CSMD1: variants seen among roughly 807,000 people sequenced by gnomAD.
The protein encoded by CSMD1 is CUB and Sushi multiple domains 1.
Under a neutral mutation model 417.5 loss-of-function variants are expected in CSMD1, and 213 were observed. The ratio of observed to expected loss-of-function variants is 0.51; its 90% confidence interval spans 0.46 to 0.57. The LOEUF (loss-of-function observed/expected upper bound fraction) is 0.57. Among genes scored for constraint, CSMD1 ranks in the 20% least tolerant of loss-of-function variants. The pLI is 0.00. For synonymous variants in CSMD1, 2,862 were observed against 1,736.8 expected (o/e 1.65, Z -16.11); for missense variants, 6,923 against 4,529.7 (o/e 1.53, Z -15.17).
At chr8:4,178,445 C>G (rs988326106) in intron 3 of CSMD1, among the ~76,000 whole-genome samples, 4 of 151,148 alleles carry the variant, frequency 2.6e-5, no homozygotes, top group Non-Finnish European at 4.4e-5. Flanking sequence ...ATAATAAGAG[C>G]TATCTATAAC....
intron 2 of CSMD1, among the ~76,000 whole-genome samples, chr8:4,528,715 T>C (rs1796644491): frequency 6.6e-6 from 1 of 152,148 alleles, no homozygotes; most frequent in South Asian, 2.1e-4. Flanking sequence ...TGTACAGCTT[T>C]TTGTAGGTCA....
At chr8:3,769,411 A>G (rs1012210295) in intron 5 of CSMD1, among the ~76,000 whole-genome samples, 6 of 150,164 alleles carry the variant, frequency 4.0e-5, no homozygotes, top group African/African-American at 1.2e-4. Context: ...ACACAAAAGA[A>G]TATGTCAGAT....
chr8:4,172,315 A>G (rs541569270), intron 3 of CSMD1, among the ~76,000 whole-genome samples: 1 of 152,286 alleles, frequency 6.6e-6, no homozygotes, highest in East Asian at 1.9e-4. Flanking sequence ...AGGTGTGGCT[A>G]CCGAGATATG....
intron 3 of CSMD1, among the ~76,000 whole-genome samples, chr8:4,129,708 C>A (rs1802980345): frequency 6.6e-6 from 1 of 151,846 alleles, no homozygotes; most frequent in African/African-American, 2.4e-5. Flanking sequence ...AGTCCATTTT[C>A]ATTCAGTATT....
intron 10 of CSMD1, among the ~76,000 whole-genome samples, chr8:3,537,379 T>C (rs942321447): frequency 1.6e-4 from 25 of 152,210 alleles, no homozygotes; most frequent in African/African-American, 5.8e-4. Flanking sequence ...ACTTTTTTTA[T>C]ACATCATAAG....
At chr8:3,241,506 G>A (rs1799519368) in intron 26 of CSMD1, among the ~76,000 whole-genome samples, 1 of 152,212 alleles carries the variant, frequency 6.6e-6, no homozygotes, top group South Asian at 2.1e-4. Context: ...GAAGATCTGG[G>A]AAGGAGTGAG....
At chr8:4,062,853 A>C (rs190359297) in intron 3 of CSMD1, among the ~76,000 whole-genome samples, 85 of 152,280 alleles carry the variant, frequency 5.6e-4, no homozygotes, top group Non-Finnish European at 6.9e-4. Flanking sequence ...CTACCAGCCA[A>C]GAGAAATGAA....
chr8:4,709,944 G>T (rs531650188), intron 1 of CSMD1, among the ~76,000 whole-genome samples: 1 of 152,158 alleles, frequency 6.6e-6, no homozygotes, highest in African/African-American at 2.4e-5. Context: ...AAAAAACAGG[G>T]TCTTGGAAGA....
chr8:4,746,626 T>A lies in CSMD1; in HGVS notation c.86-109068A>T, dbSNP rs185614733. Among the ~76,000 whole-genome samples, 651 of 152,340 alleles carry A rather than the reference T, an allele frequency of 4.3e-3. 3 individuals are homozygous for A. The highest frequency in any genetic ancestry group is 9.1e-3 in the Admixed American group (139 of 15,310). The stretch of plus-strand genomic sequence containing the variant: ...TTTTGTCCACCACAGCTGGGTAGGA[T>A]AATTATACAATCCAACCTGGGCAGC... On this transcript the variant is annotated intron_variant, in intron 1 of 69. Coordinates refer to ENST00000635120, the MANE Select transcript of CSMD1 (RefSeq NM_033225.6).
rs116468501 is a variant in CSMD1, at chr8:4,808,172, G to C, written c.86-170614C>G. Among the ~76,000 whole-genome samples the C allele has an allele frequency of 3.6e-3, 555 of 152,316 alleles. 8 individuals are homozygous for C. Among genetic ancestry groups the C allele is most frequent in the African/African-American group, 0.012 (516 of 41,572 alleles). On this transcript the variant is annotated intron_variant, in intron 1 of 69. Transcript: ENST00000635120. The stretch of plus-strand genomic sequence containing the variant: ...GATTCCGGCGGTGTGGAGTCACAGA[G>C]GGCGGCAGGCAGATTGGTTTCATTG...
chr8:4,356,685 ATG>A (rs1211137222), intron 3 of CSMD1, among the ~76,000 whole-genome samples: 6 of 152,004 alleles, frequency 3.9e-5, no homozygotes, highest in African/African-American at 9.7e-5. Context: ...GCTTCTTTCC[ATG>A]TGTTTTGTCC....
chr8:4,730,004 C>G (rs1809738269), intron 1 of CSMD1, among the ~76,000 whole-genome samples: 1 of 152,046 alleles, frequency 6.6e-6, no homozygotes. Context: ...TTCTGAAACT[C>G]GTGATTCAGA....
chr8:4,940,210 C>T (rs1563820449), intron 1 of CSMD1, among the ~76,000 whole-genome samples: 1 of 152,058 alleles, frequency 6.6e-6, no homozygotes, highest in African/African-American at 2.4e-5. Context: ...ATCCTGGCCA[C>T]CCTAGTCAAA....
chr8:4,034,182 G>C (rs936954386), intron 3 of CSMD1, among the ~76,000 whole-genome samples: 3 of 152,060 alleles, frequency 2.0e-5, no homozygotes, highest in Non-Finnish European at 2.9e-5. Flanking sequence ...ATACGGAATA[G>C]GAATCATCTA....
chr8:4,059,462 T>C (rs1190190127), intron 3 of CSMD1, among the ~76,000 whole-genome samples: 2 of 151,902 alleles, frequency 1.3e-5, no homozygotes, highest in South Asian at 2.1e-4. Context: ...CTGAAGGAAA[T>C]AGAGATGCAA....
At chr8:3,885,032 T>A (rs1806463078) in intron 5 of CSMD1, among the ~76,000 whole-genome samples, 1 of 151,786 alleles carries the variant, frequency 6.6e-6, no homozygotes, top group Non-Finnish European at 1.5e-5. Flanking sequence ...ATGTACCTAG[T>A]TTCTAATGGA....
chr8:4,290,873 C>G (rs1054617439), intron 3 of CSMD1, among the ~76,000 whole-genome samples: 4 of 152,182 alleles, frequency 2.6e-5, no homozygotes, highest in Non-Finnish European at 2.9e-5. Flanking sequence ...TGTGACTCAT[C>G]ATCCTTTACA....
chr8:4,315,075 G>A (rs1165537846), intron 3 of CSMD1, among the ~76,000 whole-genome samples: 9 of 152,132 alleles, frequency 5.9e-5, no homozygotes, highest in Non-Finnish European at 8.8e-5. Context: ...CCATTTGAAT[G>A]GGCATCTCGA....
At chr8:3,115,197 C>G (rs1355783802) in intron 42 of CSMD1, among the ~76,000 whole-genome samples, 2 of 66,452 alleles carry the variant, frequency 3.0e-5, no homozygotes, top group Non-Finnish European at 5.3e-5. Flanking sequence ...ATTACAATCC[C>G]CCCCCCCCCT....
Sources: allele counts gnomAD v4.1 joint callset (sites outside exome capture counted in the v4.1 genomes callset), GRCh38; gene constraint gnomAD v4.1.1; transcripts MANE v1.5; gene names NCBI Gene and HGNC (gene_info 2026-07-23, HGNC 2026-07-21).